Variants in CLK2 observed in about 807,000 individuals in gnomAD.
CLK2 encodes dual specificity protein kinase CLK2.
In CLK2, 12 loss-of-function variants were observed where a neutral mutation model predicts 73.5. The ratio of observed to expected loss-of-function variants is 0.16; its 90% CI spans 0.10 to 0.26. The LOEUF is 0.26. Ranked by LOEUF, CLK2 falls within the 10% of genes least tolerant of loss-of-function variation. The probability of loss-of-function intolerance (pLI) is 1.00; values close to 1 mark genes in which losing one functional copy is unlikely to be tolerated. For synonymous variants in CLK2, 232 were observed against 237.9 expected, an observed-to-expected ratio of 0.98 and a Z score of 0.23; for missense variants, 509 against 688.4, an observed-to-expected ratio of 0.74 and a Z score of 2.92.
chr1:155,270,254 C>T (rs1673435230), intron 2 of CLK2, among the ~76,000 whole-genome samples: 1 of 151,960 alleles, frequency 6.6e-6, no homozygotes, highest in South Asian at 2.1e-4. Flanking sequence ...GCCTGTAGTC[C>T]CAGGTACTTG....
At position 155,270,973 on chromosome 1, in the gene CLK2, G is replaced by A. The variant is rs1374504332; in HGVS notation, c.5C>T (p.Pro2Leu). 30 of 1,607,972 alleles carry A rather than the reference G, an allele frequency of 1.9e-5. No homozygotes were observed. The highest frequency in any genetic ancestry group is 3.3e-5 in the Admixed American group (2 of 59,884). M[P>L]HPRRYHSSER... ...TGAGGAGTGGTACCTTCGAGGATGC[G>A]GCATCTGGAAGGCAAGGGAAAGCGG... Residue 2 changes from proline to leucine, a missense_variant, in exon 2 of 13, where the codon CCG becomes CTG. Around this residue, in one of 6 missense-constraint regions of CLK2, gnomAD observed 222 missense variants for 221.7 expected, o/e 1.00. Coordinates refer to ENST00000368361, the MANE Select transcript of CLK2 (RefSeq NM_001294338.2).
rs1378326764 is a variant in CLK2, at chr1:155,263,406, G to A, written c.1318-6C>T. 1 of 1,613,860 alleles carries A rather than the reference G, an allele frequency of 6.2e-7. No individual in the cohort carries two copies. The highest frequency in any genetic ancestry group is 8.5e-7 in the Non-Finnish European group (1 of 1,179,978). On this transcript the variant is annotated splice_polypyrimidine_tract_variant and splice_region_variant and intron_variant, in intron 12 of 12. Coordinates refer to ENST00000368361, the MANE Select transcript of CLK2 (RefSeq NM_001294338.2). The stretch of plus-strand genomic sequence containing the variant: ...GCCTCTGAGGTCAGATACCGCTGGT[G>A]GAGGAGGGCAGGAAAAAGGTGAGGC...
At chr1:155,271,774 A>G (rs1673520592) in intron 1 of CLK2, among the ~76,000 whole-genome samples, 1 of 152,182 alleles carries the variant, frequency 6.6e-6, no homozygotes, top group Admixed American at 6.5e-5. Flanking sequence ...CCTCAAGTAG[A>G]CTATCAGTGT....
intron 12 of CLK2, 86 bp from the exon 13 acceptor site, chr1:155,263,486 A>T: frequency 1.3e-6 from 2 of 1,534,870 alleles, no homozygotes; most frequent in East Asian, 2.3e-5. Context: ...TTCTTGGAGA[A>T]CCAAGGCTCT....
At position 155,268,599 on chromosome 1, in the gene CLK2, A is replaced by C. The variant is rs1673339521; in HGVS notation, c.487+109T>G. On this transcript the variant is annotated intron_variant, in intron 4 of 12. Transcript: ENST00000368361. The surrounding 1 kb of genome is among the most constrained non-coding windows in gnomAD (Gnocchi z 5.6). ...AACAGCAACTCAAACCACCCAGATA[A>C]ACAACACCACTGAGAAAAGGCAAGA... 1 of 1,078,880 alleles carries C rather than the reference A, an allele frequency of 9.3e-7. No homozygotes were observed. Among genetic ancestry groups the C allele is most frequent in the African/African-American group, 1.6e-5 (1 of 64,474 alleles). 66.8% of individuals were successfully genotyped at this position (1,078,880 alleles called of 1,614,324 possible).
chr1:155,264,816 CTG>C, intron 8 of CLK2, 42 bp from the exon 9 acceptor site: 1 of 1,607,956 alleles, frequency 6.2e-7, no homozygotes. Flanking sequence ...TGCACCCAGA[CTG>C]AGATTCCACC....
At chr1:155,265,234 G>T (rs983333300) in intron 8 of CLK2, among the ~76,000 whole-genome samples, 1 of 152,106 alleles carries the variant, frequency 6.6e-6, no homozygotes, top group Non-Finnish European at 1.5e-5. Context: ...TTAGTCAAAG[G>T]AGCCGAGCTT....
intron 2 of CLK2, 50 bp from the exon 3 acceptor site, chr1:155,269,766 C>T (rs1673413307): frequency 6.6e-7 from 1 of 1,520,102 alleles, no homozygotes; most frequent in Admixed American, 1.7e-5. Context: ...ATCACATTCC[C>T]TACCATACCC....
chr1:155,269,428 C>G, intron 3 of CLK2, 60 bp downstream of exon 3: 1 of 1,444,282 alleles, frequency 6.9e-7, no homozygotes, highest in East Asian at 2.3e-5. Context: ...TGCTCACTTA[C>G]CAGAGTCCTA....
chr1:155,269,738 T>G lies in CLK2; in HGVS notation c.171-22A>C. The G allele has an allele frequency of 1.9e-6, 3 of 1,603,986 alleles. 1 individual carries two copies. In the South Asian group the frequency reaches 3.3e-5, roughly 18 times the overall value. On this transcript the variant is annotated intron_variant, in intron 2 of 12. Coordinates refer to ENST00000368361, the MANE Select transcript of CLK2 (RefSeq NM_001294338.2). Reference sequence around the variant, plus strand: ...ACTGCTGTTGGATAACAAATACCAATGAGGTGTATCTGTTCAGATCACATT... The same window carrying G: ...ACTGCTGTTGGATAACAAATACCAAGGAGGTGTATCTGTTCAGATCACATT...
At position 155,266,764 on chromosome 1, in the gene CLK2, C is replaced by A; in HGVS notation, c.803G>T (p.Arg268Leu). 1 of 1,613,346 alleles carries A rather than the reference C, an allele frequency of 6.2e-7. No homozygotes were observed. Among genetic ancestry groups the A allele is most frequent in the Non-Finnish European group, 8.5e-7 (1 of 1,179,714 alleles). Residue 268 changes from arginine (R) to leucine (L), a missense_variant, in exon 7 of 13, where the codon CGC (arginine) becomes CTC (leucine). Physicochemically the swap from Arg to Leu is moderately radical, Grantham distance 102. Coordinates refer to ENST00000368361, the MANE Select transcript of CLK2 (RefSeq NM_001294338.2). ...NYLPYPIHQV[R>L]HMAFQLCQAV... The stretch of plus-strand genomic sequence containing the variant: ...CTGGCACAGCTGGAAGGCCATGTGG[C>A]GCACTTGGTGGATGGGGTAGGGCAG...
chr1:155,268,064 C>A lies in CLK2; in HGVS notation c.617G>T (p.Arg206Leu). 6.2e-7 allele frequency: 1 copy of A among 1,614,142 alleles called. No individual in the cohort carries two copies. Among genetic ancestry groups the A allele is most frequent in the Non-Finnish European group, 8.5e-7 (1 of 1,180,026 alleles). ...TTTCTCTAGCACGTTGATCTCAAGT[C>A]GAGCTGCTTCCTTGTACTTCTCCAC... The part of the protein sequence containing the change: ...KNVEKYKEAA[R>L]LEINVLEKIN... The change falls in exon 6 of 13, where the codon CGA becomes CTA. Residue 206 changes from arginine to leucine, a missense_variant. Arg to Leu is a moderately radical substitution (Grantham distance 102). Around this residue, in one of 6 missense-constraint regions of CLK2, gnomAD observed 76 missense variants for 126.4 expected, o/e 0.60. Transcript: ENST00000368361. This position sits in a 1 kb window ranked among gnomAD's most constrained non-coding sequence, Gnocchi z 5.6.
chr1:155,272,022 T>TG (rs1553225791), intron 1 of CLK2, among the ~76,000 whole-genome samples: 1 of 151,538 alleles, frequency 6.6e-6, no homozygotes, highest in East Asian at 1.9e-4. Flanking sequence ...TTGTGTTTTT[T>TG]TTTTTTTTTT....
chr1:155,271,312 A>G (rs2236864), intron 1 of CLK2, among the ~76,000 whole-genome samples: 58,798 of 151,934 alleles, frequency 0.39, 13,455 homozygotes, highest in East Asian at 0.7. Flanking sequence ...TGCAACCTCC[A>G]CTTCCCAGGT....
chr1:155,267,607 A>C (rs542359627), intron 6 of CLK2, among the ~76,000 whole-genome samples: 1 of 152,142 alleles, frequency 6.6e-6, no homozygotes, highest in Non-Finnish European at 1.5e-5. Context: ...TAAAGTCCTT[A>C]TTCTATTTTT....
intron 7 of CLK2, 96 bp from the exon 8 acceptor site, chr1:155,266,050 G>A (rs1217326914): frequency 7.5e-6 from 6 of 796,152 alleles, no homozygotes; most frequent in African/African-American, 3.4e-5. Flanking sequence ...CAAAGCCAGT[G>A]AGGAGACAGG....
intron 2 of CLK2, among the ~76,000 whole-genome samples, chr1:155,270,483 T>G (rs1557936498): frequency 6.6e-6 from 1 of 152,262 alleles, no homozygotes; most frequent in Non-Finnish European, 1.5e-5. Context: ...CCTTTGCACA[T>G]GCTTTCCCTC....
rs534718482 is a variant in CLK2, at chr1:155,264,230, C to T, written c.1217G>A (p.Arg406Gln). Residue 406 changes from arginine (R) to glutamine (Q), a missense_variant, in exon 11 of 13, where the codon CGA becomes CAA. Arg to Gln is a conservative substitution (Grantham distance 43). Coordinates refer to ENST00000368361, the MANE Select transcript of CLK2 (RefSeq NM_001294338.2). ...ILGPIPSRMI[R>Q]KTRKQKYFYR... ...CCCCCTCAAGGTTCACCTTGTCTTT[C>T]GGATCATCCGGGAAGGGATAGGACC... 1.8e-5 allele frequency: 29 copies of T among 1,614,186 alleles called. No homozygotes were observed. Among genetic ancestry groups the T allele is most frequent in the African/African-American group, 1.2e-4 (9 of 75,050 alleles).
chr1:155,270,812 G>C lies in CLK2; in HGVS notation c.166C>G (p.Arg56Gly), dbSNP rs1557936784. 1 of 1,603,780 alleles carries C rather than the reference G, an allele frequency of 6.2e-7. No homozygotes were observed. Among genetic ancestry groups the C allele is most frequent in the Non-Finnish European group, 8.5e-7 (1 of 1,171,260 alleles). ...TATCTCTTCCTGAGGCCTCACCTTCGAGAACGGACATGGTAGCTGTCCTCT... is the reference window on the plus strand; with the variant it reads ...TATCTCTTCCTGAGGCCTCACCTTCCAGAACGGACATGGTAGCTGTCCTCT... The part of the protein sequence containing the change: ...RREDSYHVRS[R>G]SSYDDRSSDR... The change falls in exon 2 of 13, where the codon CGA becomes GGA. Residue 56 changes from arginine to glycine, a missense_variant. By Grantham distance (125) the Arg-to-Gly change is moderately radical. Transcript: ENST00000368361.
Sources: gnomAD v4.1 joint callset for allele counts (sites outside exome capture counted in the v4.1 genomes callset) on GRCh38, gnomAD v4.1.1 for gene constraint, gnomAD v4.1.1 regional missense constraint, Gnocchi (gnomAD v3.1) non-coding constraint, MANE v1.5 for transcripts, NCBI Gene and HGNC (gene_info 2026-07-23, HGNC 2026-07-21) for gene names.